LYZL2: variants seen among roughly 807,000 people sequenced by gnomAD.
LYZL2 encodes lysozyme-like protein 2.
Under a neutral mutation model 17.1 loss-of-function variants are expected in LYZL2, and 13 were observed. The observed-to-expected ratio is 0.76, with a 90% CI of 0.49 to 1.21. The LOEUF is 1.21. LYZL2 is among the 50% of genes most tolerant of loss of function. The pLI is 0.00. For synonymous variants in LYZL2, 63 were observed against 74.4 expected (o/e 0.85, Z 0.79); for missense variants, 166 against 189.2 (o/e 0.88, Z 0.72).
intron 3 of LYZL2, among the ~76,000 whole-genome samples, chr10:30,614,062 T>C (rs969633270): frequency 4.6e-5 from 7 of 152,202 alleles, no homozygotes; most frequent in African/African-American, 1.4e-4. Context: ...AATTGAAATG[T>C]ATTAGTTGAT....
At chr10:30,624,176 A>AC (rs1466000017) in intron 3 of LYZL2, among the ~76,000 whole-genome samples, 2 of 152,078 alleles carry the variant, frequency 1.3e-5, no homozygotes, top group Admixed American at 1.3e-4. Context: ...ACCCTTCTCC[A>AC]CCATGCTCTG....
Position 30,629,695 on chromosome 10 carries a change from G to A in LYZL2, c.-128C>T, listed in dbSNP as rs1456677905. ...AGTCGGTGACAGGCAGCTCAGGGGA[G>A]CGTCCTGCATCCCCTGAAGCCATGT... On this transcript the variant is annotated 5_prime_UTR_variant, in exon 1 of 5. Coordinates refer to ENST00000647634, the MANE Select transcript of LYZL2 (RefSeq NM_183058.3). 6 of 1,612,472 alleles carry A rather than the reference G, an allele frequency of 3.7e-6. No homozygotes were observed. The highest frequency in any genetic ancestry group is 4.2e-6 in the Non-Finnish European group (5 of 1,178,832).
At chr10:30,622,662 G>A (rs1838643696) in intron 3 of LYZL2, among the ~76,000 whole-genome samples, 1 of 152,162 alleles carries the variant, frequency 6.6e-6, no homozygotes, top group African/African-American at 2.4e-5. Flanking sequence ...TCCCGTTTCT[G>A]TAAATAAAGT....
At chr10:30,622,282 C>T (rs943302897) in intron 3 of LYZL2, among the ~76,000 whole-genome samples, 1 of 152,166 alleles carries the variant, frequency 6.6e-6, no homozygotes, top group Non-Finnish European at 1.5e-5. Context: ...TGCAGTGGCT[C>T]ACTTCTGTAA....
intron 3 of LYZL2, among the ~76,000 whole-genome samples, chr10:30,617,598 C>A (rs1838550100): frequency 7.1e-6 from 1 of 140,160 alleles, no homozygotes; most frequent in South Asian, 2.3e-4. Flanking sequence ...TTGCTTGAAC[C>A]CTGGAGGCGG....
chr10:30,626,706 G>A (rs1475033488), intron 2 of LYZL2, 71 bp downstream of exon 2: 78 of 1,593,228 alleles, frequency 4.9e-5, no homozygotes, highest in Non-Finnish European at 6.0e-5. Context: ...AGCAGGGAGT[G>A]TAGCCAGGAC....
chr10:30,606,333 G>A, the LYZL2 span, among the ~76,000 whole-genome samples: 2 of 149,406 alleles, frequency 1.3e-5, no homozygotes, highest in East Asian at 1.9e-4. Flanking sequence ...GAAAAATACC[G>A]AAATAGAATA....
intron 3 of LYZL2, among the ~76,000 whole-genome samples, chr10:30,614,998 T>A (rs1165812627): frequency 6.6e-6 from 1 of 152,254 alleles, no homozygotes; most frequent in East Asian, 1.9e-4. Flanking sequence ...TGAATTATGT[T>A]TTCCCAGGAT....
chr10:30,627,684 C>T (rs936136550), intron 1 of LYZL2, among the ~76,000 whole-genome samples: 1 of 152,104 alleles, frequency 6.6e-6, no homozygotes, highest in Non-Finnish European at 1.5e-5. Flanking sequence ...GGCTTCCAGT[C>T]AGCAGTAGGC....
intron 3 of LYZL2, among the ~76,000 whole-genome samples, chr10:30,616,319 A>G (rs558194954): frequency 2.0e-4 from 31 of 152,374 alleles, no homozygotes; most frequent in African/African-American, 7.2e-4. Context: ...AGCAATTGAA[A>G]CAACATACGC....
Position 30,612,822 on chromosome 10 carries a change from C to G in LYZL2, c.377G>C (p.Trp126Ser). The G allele has an allele frequency of 1.9e-6, 3 of 1,610,216 alleles. No homozygotes were observed. The highest frequency in any genetic ancestry group is 2.5e-6 in the Non-Finnish European group (3 of 1,176,476). Residue 126 changes from tryptophan to serine, a missense_variant and splice_region_variant, in exon 4 of 5, where the codon TGG (tryptophan) becomes TCG (serine). This residue lies in a region of LYZL2 where 134 missense variants were observed against 129.4 expected (regional missense o/e 1.04). Transcript: ENST00000647634. ...IVKETQGMNY[W>S]QGWKKHCEGR... is the part of the protein sequence containing the mutation. ...AAGTCTTCCAAGGAAAGACTCTTACCAATAGTTCATTCCTTGTGTCTCTTT... is the reference window on the plus strand; with the variant it reads ...AAGTCTTCCAAGGAAAGACTCTTACGAATAGTTCATTCCTTGTGTCTCTTT...
intron 3 of LYZL2, among the ~76,000 whole-genome samples, chr10:30,619,079 C>T (rs1379421559): frequency 6.6e-6 from 1 of 152,226 alleles, no homozygotes; most frequent in African/African-American, 2.4e-5. Flanking sequence ...TGAAAAAATG[C>T]TCATCATCAC....
chr10:30,625,865 C>T (rs1243822523), intron 3 of LYZL2, among the ~76,000 whole-genome samples: 2 of 152,174 alleles, frequency 1.3e-5, no homozygotes, highest in Non-Finnish European at 2.9e-5. Flanking sequence ...TTGTCCATCC[C>T]CCTGCTTTAG....
downstream of LYZL2, among the ~76,000 whole-genome samples, chr10:30,607,920 C>T (rs1055284804): frequency 1.3e-5 from 2 of 152,164 alleles, no homozygotes; most frequent in Non-Finnish European, 2.9e-5. Context: ...GGAGAAACAT[C>T]GCCAGGAGGC....
intron 3 of LYZL2, among the ~76,000 whole-genome samples, chr10:30,620,690 G>C (rs1053977425): frequency 6.6e-5 from 10 of 152,168 alleles, no homozygotes; most frequent in Non-Finnish European, 1.3e-4. Context: ...AAGGACAGTT[G>C]ATTGCATTAG....
downstream of LYZL2, among the ~76,000 whole-genome samples, chr10:30,611,570 GGAAAGAAAGAAA>G (rs71023593): frequency 4.8e-4 from 26 of 54,122 alleles, no homozygotes; most frequent in East Asian, 2.3e-3. Context: ...AAGGAAGGAA[GGAAAGAAAGAAA>G]GAAAGAAAGA....
intron 2 of LYZL2, 138 bp from the exon 3 acceptor site, chr10:30,626,401 G>A (rs181754612): frequency 2.1e-5 from 29 of 1,390,088 alleles, no homozygotes; most frequent in Non-Finnish European, 2.7e-5. Context: ...GGGCGGGCAT[G>A]TGCCCAGGGG....
At chr10:30,614,126 C>T (rs1262392960) in intron 3 of LYZL2, among the ~76,000 whole-genome samples, 2 of 152,230 alleles carry the variant, frequency 1.3e-5, no homozygotes, top group Non-Finnish European at 2.9e-5. Context: ...TCAACACAAA[C>T]ATGACAGAAA....
At position 30,611,912 on chromosome 10, in the gene LYZL2, A is replaced by G. The variant is rs578102202; in HGVS notation, c.*43T>C. 1.2e-6 allele frequency: 2 copies of G among 1,613,342 alleles called. No individual in the cohort carries two copies. Among genetic ancestry groups the G allele is most frequent in the African/African-American group, 2.7e-5 (2 of 74,992 alleles). On this transcript the variant is annotated 3_prime_UTR_variant, in exon 5 of 5. Transcript: ENST00000647634. ...ACAGGCATTTGGACATTCACTGCAA[A>G]CCCTAGGGCGTTGCTGCAAAGCATC...
Sources: allele counts gnomAD v4.1 joint callset (sites outside exome capture counted in the v4.1 genomes callset), GRCh38; gene constraint gnomAD v4.1.1; regional missense constraint gnomAD v4.1.1; transcripts MANE v1.5; gene names NCBI Gene and HGNC (gene_info 2026-07-23, HGNC 2026-07-21).